Variants in OR8K3 observed in about 807,000 individuals in gnomAD.
OR8K3 encodes olfactory receptor 8K3.
For missense variants in OR8K3, 448 were observed against 367.4 expected (o/e 1.22, Z -1.79); for synonymous variants, 167 against 138.8 (o/e 1.20, Z -1.43).
At position 56,319,353 on chromosome 11, in the gene OR8K3, T is replaced by C; in HGVS notation, c.*108T>C. On this transcript the variant is annotated 3_prime_UTR_variant, in exon 3 of 3. Coordinates refer to ENST00000641662, the MANE Select transcript of OR8K3 (RefSeq NM_001005202.2). ...AACTGATTCAACATATATTTACATA[T>C]GTCTCATACATGATAGGCTCTTCTA... The C allele has an allele frequency of 1.6e-6, 1 of 630,902 alleles. No homozygotes were observed. The allele number at this position is 630,902 out of a possible 1,614,324, so 39.1% of individuals were successfully genotyped here.
rs373587125 is a variant in OR8K3, at chr11:56,319,213, A to G, written c.907A>G (p.Thr303Ala). The part of the protein sequence containing the change: ...NKDVKYALRR[T>A]WNNLCNIFV ...AGATGTAAAATATGCCCTACGAAGGACATGGAATAACTTATGTAATATTTT... is the reference window on the plus strand; with the variant it reads ...AGATGTAAAATATGCCCTACGAAGGGCATGGAATAACTTATGTAATATTTT... Residue 303 changes from threonine to alanine, a missense_variant, in exon 3 of 3, where the codon ACA becomes GCA. By Grantham distance (58) the Thr-to-Ala change is moderately conservative (BLOSUM62 0). Coordinates refer to ENST00000641662, the MANE Select transcript of OR8K3 (RefSeq NM_001005202.2). 108 of 1,605,240 alleles carry G rather than the reference A, an allele frequency of 6.7e-5. No individual in the cohort carries two copies. The highest frequency in any genetic ancestry group is 8.7e-5 in the Non-Finnish European group (102 of 1,172,298).
chr11:56,318,887 A>G lies in OR8K3; in HGVS notation c.581A>G (p.Glu194Gly). 1 of 1,613,786 alleles carries G rather than the reference A, an allele frequency of 6.2e-7. No homozygotes were observed. Among genetic ancestry groups the G allele is most frequent in the Non-Finnish European group, 8.5e-7 (1 of 1,179,658 alleles). Residue 194 changes from glutamate (E) to glycine (G), a missense_variant, in exon 3 of 3, where the codon GAA becomes GGA. By Grantham distance (98) the Glu-to-Gly change is moderately conservative. Coordinates refer to ENST00000641662, the MANE Select transcript of OR8K3 (RefSeq NM_001005202.2). Reference sequence around the variant, plus strand: ...CCTTTGCTTTGTTCAAATACACATGAAATTGAATTGATAATTCTGATCTTT... The same window carrying G: ...CCTTTGCTTTGTTCAAATACACATGGAATTGAATTGATAATTCTGATCTTT... ...LLPLLCSNTH[E>G]IELIILIFAA... is the part of the protein sequence containing the mutation.
intron 1 of OR8K3, among the ~76,000 whole-genome samples, chr11:56,315,493 G>A (rs1367060869): frequency 1.3e-5 from 2 of 152,052 alleles, no homozygotes; most frequent in Non-Finnish European, 2.9e-5. Flanking sequence ...AAAACTTGGA[G>A]AAAATAAAGC....
At chr11:56,315,848 G>C (rs1391970955) in intron 1 of OR8K3, among the ~76,000 whole-genome samples, 152 bp from the exon 2 acceptor site, 2 of 151,726 alleles carry the variant, frequency 1.3e-5, no homozygotes, top group African/African-American at 2.4e-5. Flanking sequence ...CAGTTTTAGG[G>C]AACAATACAA....
Position 56,318,403 on chromosome 11 carries a change from A to G in OR8K3, c.97A>G (p.Met33Val), listed in dbSNP as rs1313556942. The G allele has an allele frequency of 6.2e-7, 1 of 1,613,924 alleles. No individual in the cohort carries two copies. Among genetic ancestry groups the G allele is most frequent in the South Asian group, 1.1e-5 (1 of 91,066 alleles). The change falls in exon 3 of 3, where the codon ATG becomes GTG. Residue 33 changes from methionine to valine, a missense_variant. Met to Val is a conservative substitution (Grantham distance 21, BLOSUM62 1). Coordinates refer to ENST00000641662, the MANE Select transcript of OR8K3 (RefSeq NM_001005202.2). Reference sequence around the variant, plus strand: ...GGCACCATTATTTGCATTGTTCCTCATGATCTATGTGATCTCAGTGATGGG... The same window carrying G: ...GGCACCATTATTTGCATTGTTCCTCGTGATCTATGTGATCTCAGTGATGGG... Reference protein sequence around the residue: ...LQAPLFALFLMIYVISVMGNL... With the variant: ...LQAPLFALFLVIYVISVMGNL...
At chr11:56,317,704 G>C (rs1019200572) in intron 2 of OR8K3, among the ~76,000 whole-genome samples, 3 of 152,008 alleles carry the variant, frequency 2.0e-5, no homozygotes, top group African/African-American at 7.2e-5. Flanking sequence ...TAAAAACATA[G>C]TACAATAATT....
intron 2 of OR8K3, 54 bp from the exon 3 acceptor site, chr11:56,318,230 A>G (rs551595798): frequency 4.0e-6 from 4 of 997,808 alleles, no homozygotes; most frequent in Non-Finnish European, 6.0e-6. Context: ...ATACTAAAAA[A>G]TTTCTCAGGT....
At chr11:56,317,116 T>C (rs1296247816) in intron 2 of OR8K3, among the ~76,000 whole-genome samples, 1 of 151,976 alleles carries the variant, frequency 6.6e-6, no homozygotes, top group Non-Finnish European at 1.5e-5. Flanking sequence ...ATTATGGTCC[T>C]AACAAAGAAG....
At chr11:56,318,238 G>A in intron 2 of OR8K3, 46 bp from the exon 3 acceptor site, 1 of 1,116,338 alleles carries the variant, frequency 9.0e-7, no homozygotes, top group Non-Finnish European at 1.3e-6. Flanking sequence ...AAATTTCTCA[G>A]GTGATGATAG....
chr11:56,319,693 T>C lies in OR8K3; in HGVS notation c.*448T>C, dbSNP rs1854498957. The C allele has an allele frequency of 6.3e-6, 1 of 158,882 alleles. No individual in the cohort carries two copies. The highest frequency in any genetic ancestry group is 2.4e-5 in the African/African-American group (1 of 41,558). The allele number at this position is 158,882 out of a possible 1,614,324, so 9.8% of individuals were successfully genotyped here. ...TAAGCATTTTCCTTCTGTTTTAGCC[T>C]TCATACTTTTTGCTTGTATATTCTG... On this transcript the variant is annotated 3_prime_UTR_variant, in exon 3 of 3. Transcript: ENST00000641662.
In OR8K3 at chr11:56,319,297, T is replaced by C; in HGVS notation, c.*52T>C. ...TTAGGTTATGGGCATGAATTTTTGC[T>C]CTGCATACTTCCAGAAGACATAACA... On this transcript the variant is annotated 3_prime_UTR_variant, in exon 3 of 3. Transcript: ENST00000641662. The C allele has an allele frequency of 1.1e-6, 1 of 931,972 alleles. No individual in the cohort carries two copies. Among genetic ancestry groups the C allele is most frequent in the Non-Finnish European group, 1.7e-6 (1 of 603,304 alleles). 57.7% of individuals were successfully genotyped at this position (931,972 alleles called of 1,614,324 possible).
intron 2 of OR8K3, 107 bp from the exon 3 acceptor site, chr11:56,318,177 G>A (rs879463081): frequency 2.9e-5 from 17 of 577,152 alleles, no homozygotes; most frequent in African/African-American, 5.6e-5. Context: ...GTTTTCAAAT[G>A]TCGCAAATTG....
In OR8K3 at chr11:56,318,973, G is replaced by T. The variant is rs770790577; in HGVS notation, c.667G>T (p.Val223Leu). Residue 223 changes from valine (V) to leucine (L), a missense_variant, in exon 3 of 3, where the codon GTA (valine) becomes TTA (leucine). Physicochemically the swap from Val to Leu is conservative, Grantham distance 32 (BLOSUM62 1). Transcript: ENST00000641662. The part of the protein sequence containing the change: ...IVLLSYLLIL[V>L]AILRMNSAGR... ...TCTTTTATCTTACCTGCTCATCCTT[G>T]TAGCCATTCTCAGGATGAATTCTGC... 43 of 1,613,842 alleles carry T rather than the reference G, an allele frequency of 2.7e-5. 1 individual carries two copies. In the South Asian group the frequency reaches 4.7e-4, roughly 18 times the overall value.
In OR8K3 at chr11:56,318,640, C is replaced by G. The variant is rs1308892349; in HGVS notation, c.334C>G (p.Leu112Val). The change falls in exon 3 of 3, where the codon CTT (leucine) becomes GTT (valine). Residue 112 changes from leucine (L) to valine (V), a missense_variant. Leu to Val is a conservative substitution (Grantham distance 32, BLOSUM62 1). Coordinates refer to ENST00000641662, the MANE Select transcript of OR8K3 (RefSeq NM_001005202.2). The part of the protein sequence containing the change: ...AFFLVFIGSE[L>V]FILSAMSYDL... ...CTTTCTTGTGTTCATTGGTAGTGAA[C>G]TTTTTATTCTCTCAGCCATGTCCTA... 2 of 1,613,640 alleles carry G rather than the reference C, an allele frequency of 1.2e-6. No homozygotes were observed. Among genetic ancestry groups the G allele is most frequent in the East Asian group, 2.2e-5 (1 of 44,888 alleles).
In OR8K3 at chr11:56,319,861, C is replaced by G. The variant is rs1552143; in HGVS notation, c.*616C>G. On this transcript the variant is annotated 3_prime_UTR_variant, in exon 3 of 3. Coordinates refer to ENST00000641662, the MANE Select transcript of OR8K3 (RefSeq NM_001005202.2). ...TATTTCCACATAGAAGTCTGTTAACCGAACATACTTTGTAGCTCAATAATC... is the reference window on the plus strand; with the variant it reads ...TATTTCCACATAGAAGTCTGTTAACGGAACATACTTTGTAGCTCAATAATC... 28 of 152,124 alleles carry G rather than the reference C, an allele frequency of 1.8e-4. No individual in the cohort carries two copies. The highest frequency in any genetic ancestry group is 1.4e-3 in the Admixed American group (22 of 15,278). 9.4% of individuals were successfully genotyped at this position (152,124 alleles called of 1,614,324 possible).
chr11:56,319,158 G>A lies in OR8K3; in HGVS notation c.852G>A (p.Leu284=), dbSNP rs771922652. Residue 284 remains leucine, a synonymous_variant, in exon 3 of 3, where the codon TTG becomes TTA. Coordinates refer to ENST00000641662, the MANE Select transcript of OR8K3 (RefSeq NM_001005202.2). The part of the protein sequence containing the change: ...SIFYTLVIPM[L]NPLIYSLRNK... The stretch of plus-strand genomic sequence containing the variant: ...TTTACACCCTGGTTATCCCCATGTT[G>A]AATCCCTTGATCTATAGTTTACGAA... The A allele has an allele frequency of 1.2e-6, 2 of 1,613,306 alleles. No individual in the cohort carries two copies. Among genetic ancestry groups the A allele is most frequent in the South Asian group, 2.2e-5 (2 of 91,074 alleles).
chr11:56,318,506 C>T lies in OR8K3; in HGVS notation c.200C>T (p.Ala67Val), dbSNP rs1359695911. Residue 67 changes from alanine (A) to valine (V), a missense_variant, in exon 3 of 3, where the codon GCT (alanine) becomes GTT (valine). Ala to Val is a moderately conservative substitution (Grantham distance 64, BLOSUM62 0). Transcript: ENST00000641662. ...ATGTACTTTTTTCTCAGACATCTGG[C>T]TTTCATGGATCTTGGTTATTCAACA... is the stretch of plus-strand genomic sequence containing the variant. ...TPMYFFLRHL[A>V]FMDLGYSTTV... 6.2e-7 allele frequency: 1 copy of T among 1,613,886 alleles called. No homozygotes were observed. The highest frequency in any genetic ancestry group is 8.5e-7 in the Non-Finnish European group (1 of 1,179,906).
chr11:56,316,963 A>G (rs7105536), intron 2 of OR8K3, among the ~76,000 whole-genome samples: 8,599 of 152,052 alleles, frequency 0.057, 357 homozygotes, highest in Non-Finnish European at 0.083. Context: ...AATGTTATTA[A>G]ATTCGTTGTG....
chr11:56,317,161 T>C (rs933211992), intron 2 of OR8K3, among the ~76,000 whole-genome samples: 1 of 151,826 alleles, frequency 6.6e-6, no homozygotes, highest in African/African-American at 2.4e-5. Context: ...TGTGTACACA[T>C]GTAAAAAAAA....
Sources: allele counts gnomAD v4.1 joint callset (sites outside exome capture counted in the v4.1 genomes callset), GRCh38; gene constraint gnomAD v4.1.1; transcripts MANE v1.5; gene names NCBI Gene and HGNC (gene_info 2026-07-23, HGNC 2026-07-21).